UBASH3B: variants seen among roughly 807,000 people sequenced by gnomAD.
The protein encoded by UBASH3B is ubiquitin-associated and SH3 domain-containing protein B.
A neutral mutation model predicts 83.4 loss-of-function variants in UBASH3B; 37 were observed. The ratio of observed to expected loss-of-function variants is 0.44; its 90% CI spans 0.34 to 0.58. The LOEUF is 0.58. Among genes scored for constraint, UBASH3B ranks in the 20% least tolerant of loss-of-function variants. The pLI, the probability that UBASH3B is intolerant of heterozygous loss-of-function variation, is 0.01. For synonymous variants in UBASH3B, 304 were observed against 318.3 expected (o/e 0.96, Z 0.48); for missense variants, 657 against 827.2 (o/e 0.79, Z 2.52).
rs1860751472 is a variant in UBASH3B, at chr11:122,777,158, A to G, written c.350A>G (p.Lys117Arg). The G allele has an allele frequency of 1.9e-6, 3 of 1,613,934 alleles. No homozygotes were observed. Among genetic ancestry groups the G allele is most frequent in the Non-Finnish European group, 2.5e-6 (3 of 1,179,972 alleles). ...CAGCAGTCGAAGCAGATCTGCGGGA[A>G]GAACAAGGCACACAACATCTTCCCC... is the stretch of plus-strand genomic sequence containing the variant. ...FWQQSKQICG[K>R]NKAHNIFPHI... The change falls in exon 3 of 14, where the codon AAG becomes AGG. Residue 117 changes from lysine (K) to arginine (R), a missense_variant. Coordinates refer to ENST00000284273, the MANE Select transcript of UBASH3B (RefSeq NM_032873.5).
intron 1 of UBASH3B, among the ~76,000 whole-genome samples, chr11:122,680,503 G>A (rs1356247507): frequency 6.6e-6 from 1 of 152,062 alleles, no homozygotes; most frequent in Non-Finnish European, 1.5e-5. Context: ...CGCTCTTGTT[G>A]CCCAGGCTGG....
intron 1 of UBASH3B, among the ~76,000 whole-genome samples, chr11:122,676,691 C>T (rs1863672108): frequency 1.3e-5 from 2 of 152,274 alleles, no homozygotes; most frequent in South Asian, 2.1e-4. Context: ...GCCTGAGTGA[C>T]AGAGCCAGAC....
chr11:122,688,231 T>TTTTC (rs893590023), intron 1 of UBASH3B, among the ~76,000 whole-genome samples: 4 of 151,972 alleles, frequency 2.6e-5, no homozygotes, highest in South Asian at 4.2e-4. Context: ...TTGCCTTTCT[T>TTTTC]TTTCTTTCTT....
chr11:122,717,308 G>A (rs931190482), intron 1 of UBASH3B, among the ~76,000 whole-genome samples: 2 of 152,170 alleles, frequency 1.3e-5, no homozygotes, highest in Non-Finnish European at 2.9e-5. Flanking sequence ...AACCGATAGC[G>A]GAAGGGCCAG....
chr11:122,733,734 T>C (rs893149999), intron 1 of UBASH3B, among the ~76,000 whole-genome samples: 2 of 152,222 alleles, frequency 1.3e-5, no homozygotes, highest in African/African-American at 4.8e-5. Context: ...AATAGAGGTA[T>C]GTATAGCACT....
chr11:122,771,937 G>T (rs543604900), intron 1 of UBASH3B, among the ~76,000 whole-genome samples: 1 of 152,080 alleles, frequency 6.6e-6, no homozygotes, highest in Admixed American at 6.5e-5. Flanking sequence ...ATTGATTTTC[G>T]CTGGATACTT....
intron 1 of UBASH3B, among the ~76,000 whole-genome samples, chr11:122,657,844 C>T (rs978641875): frequency 2.6e-5 from 4 of 152,018 alleles, no homozygotes; most frequent in East Asian, 3.9e-4. Context: ...CAGGTGTGGA[C>T]GCTTCAGGTG....
chr11:122,664,183 G>A (rs1591759571), intron 1 of UBASH3B, among the ~76,000 whole-genome samples: 1 of 152,170 alleles, frequency 6.6e-6, no homozygotes, highest in Admixed American at 6.6e-5. Flanking sequence ...TGCCCAGAGG[G>A]GTGCGGGGCC....
rs1220409419 is a variant in UBASH3B, at chr11:122,655,823, G to A, written c.-227G>A. 5 of 484,564 alleles carry A rather than the reference G, an allele frequency of 1.0e-5. No homozygotes were observed. Among genetic ancestry groups the A allele is most frequent in the Non-Finnish European group, 1.8e-5 (5 of 279,586 alleles). 30.0% of individuals were successfully genotyped at this position (484,564 alleles called of 1,614,324 possible). On this transcript the variant is annotated 5_prime_UTR_variant, in exon 1 of 14. Transcript: ENST00000284273. Reference sequence around the variant, plus strand: ...GGGGCAGCCGGGGGCCCGAGTGGCTGAGGCTGGTCCCGCAGCGGCCGCTTG... The same window carrying A: ...GGGGCAGCCGGGGGCCCGAGTGGCTAAGGCTGGTCCCGCAGCGGCCGCTTG...
chr11:122,703,718 G>A (rs1171570558), intron 1 of UBASH3B, among the ~76,000 whole-genome samples: 1 of 152,188 alleles, frequency 6.6e-6, no homozygotes, highest in Non-Finnish European at 1.5e-5. Context: ...AAAGCCCCTT[G>A]TTTTTTGAAG....
chr11:122,710,668 G>A (rs1438088519), intron 1 of UBASH3B, among the ~76,000 whole-genome samples: 5 of 151,944 alleles, frequency 3.3e-5, no homozygotes, highest in Admixed American at 2.6e-4. Flanking sequence ...CACCAAAGTA[G>A]AAGTGGTATA....
intron 1 of UBASH3B, among the ~76,000 whole-genome samples, chr11:122,684,893 C>T (rs1863790254): frequency 1.3e-5 from 2 of 152,166 alleles, no homozygotes; most frequent in African/African-American, 2.4e-5. Context: ...CCACTGCGCC[C>T]AGCCTGTGGT....
intron 1 of UBASH3B, among the ~76,000 whole-genome samples, chr11:122,663,507 C>A (rs1341286454): frequency 6.6e-6 from 1 of 152,200 alleles, no homozygotes; most frequent in Non-Finnish European, 1.5e-5. Flanking sequence ...AAGTCCAGCT[C>A]CCTTTCAGGG....
At chr11:122,748,889 C>T (rs1022425478) in intron 1 of UBASH3B, among the ~76,000 whole-genome samples, 1 of 152,158 alleles carries the variant, frequency 6.6e-6, no homozygotes, top group Non-Finnish European at 1.5e-5. Context: ...GAAAGAGAGC[C>T]CTTGTTTTTT....
chr11:122,695,647 C>T (rs1457185144), intron 1 of UBASH3B, among the ~76,000 whole-genome samples: 2 of 152,172 alleles, frequency 1.3e-5, no homozygotes, highest in East Asian at 3.9e-4. Flanking sequence ...TTATGCACAT[C>T]GTGTTTTATG....
chr11:122,765,754 G>A (rs1361797179), intron 1 of UBASH3B, among the ~76,000 whole-genome samples: 1 of 152,194 alleles, frequency 6.6e-6, no homozygotes, highest in East Asian at 1.9e-4. Context: ...TCTTTTGGAA[G>A]CCTCATGCCT....
chr11:122,680,344 C>G (rs1022333117), intron 1 of UBASH3B, among the ~76,000 whole-genome samples: 3 of 152,168 alleles, frequency 2.0e-5, no homozygotes, highest in Non-Finnish European at 4.4e-5. Flanking sequence ...TACACTAAGT[C>G]CTTATTTTCA....
At chr11:122,779,819 G>T in intron 4 of UBASH3B, 124 bp downstream of exon 4, 1 of 1,170,634 alleles carries the variant, frequency 8.5e-7, no homozygotes, top group Non-Finnish European at 1.2e-6. Flanking sequence ...CTGCAGGAAT[G>T]GACGTGTGAC....
At chr11:122,793,243 C>A (rs1283776027) in intron 6 of UBASH3B, among the ~76,000 whole-genome samples, 1 of 151,966 alleles carries the variant, frequency 6.6e-6, no homozygotes, top group South Asian at 2.1e-4. Context: ...ATTAGCCGGG[C>A]GTGGTGACGC....
Sources: gnomAD v4.1 joint callset for allele counts (sites outside exome capture counted in the v4.1 genomes callset) on GRCh38, gnomAD v4.1.1 for gene constraint, MANE v1.5 for transcripts, NCBI Gene and HGNC (gene_info 2026-07-23, HGNC 2026-07-21) for gene names.